AGMO: variants seen among roughly 807,000 people sequenced by gnomAD.
AGMO encodes glyceryl-ether monooxygenase.
AGMO carries 75 observed loss-of-function variants against 60.2 expected under a neutral mutation model. That is an observed-to-expected ratio of 1.25 (90% CI 1.03 to 1.51). AGMO has a LOEUF of 1.51. Among genes scored for constraint, AGMO ranks in the 40% most tolerant of loss-of-function variants. AGMO has a pLI of 0.00. For missense variants in AGMO, 763 were observed against 525.5 expected (o/e 1.45, Z -4.42); for synonymous variants, 261 against 177.1 (o/e 1.47, Z -3.76).
intron 10 of AGMO, 134 bp from the exon 11 acceptor site, chr7:15,366,356 T>C (rs895701826): frequency 1.9e-6 from 1 of 530,204 alleles, no homozygotes; most frequent in South Asian, 3.5e-5. Flanking sequence ...TACAGAAAGC[T>C]TGACTACACA....
intron 12 of AGMO, among the ~76,000 whole-genome samples, chr7:15,353,229 C>G (rs554407374): frequency 7.9e-5 from 12 of 152,086 alleles, no homozygotes; most frequent in African/African-American, 2.9e-4. Context: ...ATTACATCCA[C>G]GAATAAGTCA....
the AGMO span, among the ~76,000 whole-genome samples, chr7:15,139,258 G>T: frequency 2.3e-4 from 35 of 151,982 alleles, no homozygotes; most frequent in East Asian, 1.9e-3. Flanking sequence ...TTATTTCTAC[G>T]TTTCATCCAC....
At chr7:15,244,998 A>G (rs191229110) in intron 12 of AGMO, among the ~76,000 whole-genome samples, 96 of 152,236 alleles carry the variant, frequency 6.3e-4, no homozygotes, top group African/African-American at 1.9e-3. Flanking sequence ...TAATTGACTT[A>G]GTATCTTGGA....
At chr7:15,425,437 A>AT (rs34010266) in intron 4 of AGMO, among the ~76,000 whole-genome samples, 13,740 of 143,396 alleles carry the variant, frequency 0.096, 871 homozygotes, top group African/African-American at 0.18. Flanking sequence ...TGTTTATTTT[A>AT]TTTTTTTTTT....
chr7:15,376,838 A>C (rs923771205), intron 10 of AGMO, among the ~76,000 whole-genome samples: 1 of 152,082 alleles, frequency 6.6e-6, no homozygotes, highest in Non-Finnish European at 1.5e-5. Flanking sequence ...TCCGTGGGTC[A>C]TATCACTAAA....
At chr7:15,118,814 T>C in the AGMO span, among the ~76,000 whole-genome samples, 1 of 150,770 alleles carries the variant, frequency 6.6e-6, no homozygotes, top group Non-Finnish European at 1.5e-5. Flanking sequence ...AAACTTAGTG[T>C]CACATTTCCA....
chr7:15,165,222 A>G, the AGMO span, among the ~76,000 whole-genome samples: 1 of 152,056 alleles, frequency 6.6e-6, no homozygotes, highest in South Asian at 2.1e-4. Context: ...GACACTAGGG[A>G]TGCTAAAAGT....
At chr7:15,308,602 TTTAAA>T (rs1426752817) in intron 12 of AGMO, among the ~76,000 whole-genome samples, 1 of 152,154 alleles carries the variant, frequency 6.6e-6, no homozygotes, top group Non-Finnish European at 1.5e-5. Flanking sequence ...GATTTATGCC[TTTAAA>T]TTATTTTTCA....
chr7:15,550,118 C>T lies in AGMO; in HGVS notation c.258-5195G>A, dbSNP rs1013145373. On this transcript the variant is annotated intron_variant, in intron 2 of 12. Transcript: ENST00000342526. ...AAATAAAGACGTTCTTTGAAACCAA[C>T]GAGAACAAAGACACAACATACCAGA... 1.2e-3 allele frequency among the ~76,000 whole-genome samples: 185 copies of T among 151,994 alleles called. 1 individual carries two copies. The highest frequency in any genetic ancestry group is 4.2e-3 in the African/African-American group (176 of 41,422).
chr7:15,384,525 A>G (rs1295808956), intron 10 of AGMO, among the ~76,000 whole-genome samples: 1 of 152,130 alleles, frequency 6.6e-6, no homozygotes, highest in Non-Finnish European at 1.5e-5. Flanking sequence ...CACCTTAAAG[A>G]TAGGCGTATC....
At chr7:15,232,801 G>GCGCACACACACACA (rs1554398737) in intron 12 of AGMO, among the ~76,000 whole-genome samples, 4 of 147,024 alleles carry the variant, frequency 2.7e-5, no homozygotes, top group East Asian at 2.1e-4. Context: ...ACACACACAC[G>GCGCACACACACACA]CACACACACA....
At chr7:15,556,994 A>G (rs1416475393) in intron 2 of AGMO, among the ~76,000 whole-genome samples, 1 of 152,014 alleles carries the variant, frequency 6.6e-6, no homozygotes, top group Non-Finnish European at 1.5e-5. Context: ...AGGCTTGTAA[A>G]CAAGACATAA....
intron 5 of AGMO, among the ~76,000 whole-genome samples, chr7:15,396,786 C>T (rs1784407812): frequency 6.6e-6 from 1 of 151,644 alleles, no homozygotes; most frequent in Non-Finnish European, 1.5e-5. Flanking sequence ...TTACAGGGAG[C>T]TGATTGGTCC....
chr7:15,142,086 A>C, the AGMO span, among the ~76,000 whole-genome samples: 1 of 152,176 alleles, frequency 6.6e-6, no homozygotes, highest in Non-Finnish European at 1.5e-5. Flanking sequence ...TTCAGTATCA[A>C]GGTCGAGATC....
downstream of AGMO, among the ~76,000 whole-genome samples, chr7:15,199,919 T>C (rs1335891666): frequency 6.6e-6 from 1 of 152,176 alleles, no homozygotes; most frequent in African/African-American, 2.4e-5. Flanking sequence ...CTAAATATGC[T>C]TCAATTCTGT....
intron 12 of AGMO, among the ~76,000 whole-genome samples, chr7:15,347,366 T>C (rs952227533): frequency 6.6e-6 from 1 of 152,056 alleles, no homozygotes; most frequent in Non-Finnish European, 1.5e-5. Flanking sequence ...ACTTATAAAA[T>C]AGCACAACTG....
At chr7:15,156,292 C>G in the AGMO span, among the ~76,000 whole-genome samples, 26 of 152,182 alleles carry the variant, frequency 1.7e-4, no homozygotes, top group African/African-American at 6.3e-4. Context: ...ATGGCAGTGG[C>G]TGCTGGCAAG....
At chr7:15,435,439 G>T (rs941782003) in intron 3 of AGMO, among the ~76,000 whole-genome samples, 6 of 151,924 alleles carry the variant, frequency 3.9e-5, no homozygotes, top group Non-Finnish European at 2.9e-5. Flanking sequence ...GTATGCAGTG[G>T]TATCATGTTG....
chr7:15,237,620 CAAGAT>C (rs1782464485), intron 12 of AGMO, among the ~76,000 whole-genome samples: 2 of 151,908 alleles, frequency 1.3e-5, no homozygotes, highest in Admixed American at 1.3e-4. Flanking sequence ...TATAATAAAT[CAAGAT>C]AAAAGTTAGA....
Sources: gnomAD v4.1 joint callset for allele counts (sites outside exome capture counted in the v4.1 genomes callset) on GRCh38, gnomAD v4.1.1 for gene constraint, MANE v1.5 for transcripts, NCBI Gene and HGNC (gene_info 2026-07-23, HGNC 2026-07-21) for gene names.